Variants in SCOC observed in about 807,000 individuals in gnomAD.
SCOC encodes the protein short coiled coil protein.
Under a neutral mutation model 9.9 loss-of-function variants are expected in SCOC, and 7 were observed. The ratio of observed to expected loss-of-function variants is 0.71; its 90% confidence interval spans 0.40 to 1.33. The LOEUF (loss-of-function observed/expected upper bound fraction) is 1.33. Ranked by LOEUF, SCOC falls within the 40% of genes most tolerant of loss-of-function variation. The pLI, the probability that SCOC is intolerant of heterozygous loss-of-function variation, is 0.01. For synonymous variants in SCOC, 19 were observed against 28.2 expected (o/e 0.67, Z 1.03); for missense variants, 66 against 89.7 (o/e 0.74, Z 1.07).
intron 1 of SCOC, chr4:140,374,033 A>C (rs1355508471): frequency 3.7e-6 from 2 of 545,772 alleles, no homozygotes; most frequent in Admixed American, 4.4e-5. Flanking sequence ...GCCGCTTTGC[A>C]GCTCTCGGCT....
chr4:140,353,058 G>A (rs1422015551), intron 2 of SCOC, among the ~76,000 whole-genome samples: 1 of 152,124 alleles, frequency 6.6e-6, no homozygotes, highest in African/African-American at 2.4e-5. Flanking sequence ...GAGCAGCTTT[G>A]GACACACTTT....
chr4:140,326,851 T>A (rs1732664851), intron 1 of SCOC, among the ~76,000 whole-genome samples: 1 of 152,194 alleles, frequency 6.6e-6, no homozygotes, highest in Non-Finnish European at 1.5e-5. Flanking sequence ...TCTGATAACA[T>A]TCATTGGTGA....
At chr4:140,257,427 C>T (rs1231597476) in intron 1 of SCOC, 1 of 152,158 alleles carries the variant, frequency 6.6e-6, no homozygotes, top group Non-Finnish European at 1.5e-5. Flanking sequence ...GAAAGATTTT[C>T]ACTTAGCTGG....
chr4:140,315,793 T>C (rs1732299854), intron 1 of SCOC, among the ~76,000 whole-genome samples: 1 of 152,182 alleles, frequency 6.6e-6, no homozygotes, highest in South Asian at 2.1e-4. Context: ...TTCTTGCTTT[T>C]TACTGCAATT....
intron 2 of SCOC, among the ~76,000 whole-genome samples, chr4:140,363,567 T>C (rs1209060810): frequency 1.3e-5 from 2 of 152,230 alleles, no homozygotes; most frequent in Non-Finnish European, 2.9e-5. Flanking sequence ...AGAGCACACA[T>C]GGCACCATTT....
chr4:140,362,301 T>TCCTTC, intron 2 of SCOC, among the ~76,000 whole-genome samples: 5 of 29,392 alleles, frequency 1.7e-4, no homozygotes, highest in African/African-American at 2.3e-4. Context: ...TTCTTCTTCT[T>TCCTTC]TTTTTTTTTT....
At chr4:140,323,707 C>T (rs920460923) in intron 1 of SCOC, among the ~76,000 whole-genome samples, 30 of 152,124 alleles carry the variant, frequency 2.0e-4, no homozygotes, top group Non-Finnish European at 5.9e-5. Flanking sequence ...CCTGAATACT[C>T]CAATATTTAT....
In SCOC at chr4:140,291,726, A is replaced by G. The variant is rs150467362; in HGVS notation, c.-19+34316A>G. Among the ~76,000 whole-genome samples the G allele has an allele frequency of 2.6e-5, 4 of 152,330 alleles. No homozygotes were observed. The East Asian group carries it at 7.7e-4, about 29-fold the overall frequency. On this transcript the variant is annotated intron_variant, in intron 1 of 4. Coordinates refer to the SCOC transcript ENST00000394205. ...CTGCTTGGGTAAGCCTTCAGTAGGC[A>G]ACGGTCATTCTCCAGGATCCATCTG...
chr4:140,293,843 G>T (rs1046616351), intron 1 of SCOC, among the ~76,000 whole-genome samples: 3 of 152,198 alleles, frequency 2.0e-5, no homozygotes, highest in Non-Finnish European at 2.9e-5. Flanking sequence ...CATGGAGGCA[G>T]CCATCAAGGG....
intron 2 of SCOC, among the ~76,000 whole-genome samples, chr4:140,365,172 C>CAAAAAAAAAAAAAAAAAAGAAAAAAAAAA (rs3034544): frequency 7.1e-6 from 1 of 141,582 alleles, no homozygotes; most frequent in Non-Finnish European, 1.5e-5. Context: ...ATGGATATGG[C>CAAAAAAAAAAAAAAAAAAGAAAAAAAAAA]AAAAAAAAAA....
chr4:140,379,767 A>G (rs1728491351), intron 3 of SCOC, 115 bp downstream of exon 3: 2 of 684,710 alleles, frequency 2.9e-6, no homozygotes. Flanking sequence ...AATGAACTTC[A>G]AAGTACACAC....
At chr4:140,347,474 C>T (rs1360226815) in intron 2 of SCOC, among the ~76,000 whole-genome samples, 2 of 152,164 alleles carry the variant, frequency 1.3e-5, no homozygotes, top group Non-Finnish European at 2.9e-5. Flanking sequence ...TTGATGCCAC[C>T]GCACGGCTCA....
At chr4:140,318,490 C>T (rs1246453831) in intron 1 of SCOC, among the ~76,000 whole-genome samples, 3 of 104,486 alleles carry the variant, frequency 2.9e-5, no homozygotes, top group African/African-American at 1.5e-4. Context: ...TGCTCATCAT[C>T]ACTGGCCATC....
At chr4:140,292,678 C>T (rs181394036) in intron 1 of SCOC, among the ~76,000 whole-genome samples, 36 of 152,266 alleles carry the variant, frequency 2.4e-4, no homozygotes, top group African/African-American at 8.2e-4. Flanking sequence ...GTTACCTTGC[C>T]GAGGAGGGGA....
chr4:140,370,494 C>T (rs1728004194), upstream of SCOC, among the ~76,000 whole-genome samples: 2 of 152,156 alleles, frequency 1.3e-5, no homozygotes, highest in Non-Finnish European at 2.9e-5. Flanking sequence ...CTCCTTAAGA[C>T]TGTAATTTAT....
upstream of SCOC, among the ~76,000 whole-genome samples, chr4:140,371,083 C>A (rs1168879413): frequency 6.6e-6 from 1 of 152,012 alleles, no homozygotes; most frequent in African/African-American, 2.4e-5. Flanking sequence ...GACGGGGTTT[C>A]ACCGTGTTAG....
chr4:140,281,270 G>A (rs1431065812), intron 1 of SCOC, among the ~76,000 whole-genome samples: 1 of 147,602 alleles, frequency 6.8e-6, no homozygotes, highest in Non-Finnish European at 1.5e-5. Context: ...ATGAGGAACA[G>A]GTGTGGGGAG....
At chr4:140,268,336 G>A (rs949710531) in intron 1 of SCOC, among the ~76,000 whole-genome samples, 4 of 152,116 alleles carry the variant, frequency 2.6e-5, no homozygotes, top group African/African-American at 4.8e-5. Context: ...TTTCCATCAC[G>A]TCAAATTCCC....
intron 1 of SCOC, among the ~76,000 whole-genome samples, chr4:140,287,439 C>T (rs1731319633): frequency 6.6e-6 from 1 of 150,970 alleles, no homozygotes; most frequent in East Asian, 2.0e-4. Flanking sequence ...CATGCACATA[C>T]ATATACCATG....
Sources: gnomAD v4.1 joint callset for allele counts (sites outside exome capture counted in the v4.1 genomes callset) on GRCh38, gnomAD v4.1.1 for gene constraint, MANE v1.5 for transcripts, NCBI Gene and HGNC (gene_info 2026-07-23, HGNC 2026-07-21) for gene names.